The following MVB12B variants were observed in gnomAD, a reference collection of about 807,000 sequenced individuals.
MVB12B encodes the protein ESCRT-I complex subunit MVB12B.
Under a neutral mutation model 41.6 loss-of-function variants are expected in MVB12B, and 16 were observed. The observed-to-expected ratio is 0.38, with a 90% CI of 0.26 to 0.58. MVB12B has a LOEUF of 0.58. MVB12B is among the 20% of genes least tolerant of loss of function. The pLI, the probability that MVB12B is intolerant of heterozygous loss-of-function variation, is 0.62. For synonymous variants in MVB12B, 133 were observed against 139.7 expected, an observed-to-expected ratio of 0.95 and a Z score of 0.34; for missense variants, 274 against 380.2, an observed-to-expected ratio of 0.72 and a Z score of 2.32.
intron 9 of MVB12B, among the ~76,000 whole-genome samples, chr9:126,491,577 CTTT>C (rs1233000337): frequency 1.3e-5 from 2 of 152,108 alleles, no homozygotes; most frequent in Non-Finnish European, 2.9e-5. Context: ...CTTGTTATTT[CTTT>C]ATTTTTCTGT....
At chr9:126,441,407 C>T (rs1047752807) in intron 7 of MVB12B, among the ~76,000 whole-genome samples, 7 of 152,172 alleles carry the variant, frequency 4.6e-5, no homozygotes, top group African/African-American at 9.7e-5. Flanking sequence ...ACTCAGTAAG[C>T]GATACATTCT....
rs1833351451 is a variant in MVB12B at position 126,473,165 on chromosome 9, A to ACACCT, written c.758-8204_758-8203insCACCT. 6.6e-6 allele frequency among the ~76,000 whole-genome samples: 1 copy of ACACCT among 152,140 alleles called. No individual in the cohort carries two copies. Among genetic ancestry groups the ACACCT allele is most frequent in the African/African-American group, 2.4e-5 (1 of 41,424 alleles). The stretch of plus-strand genomic sequence containing the variant: ...AGCCCGCAGAGGCAGCTGTAGTATT[A>ACACCT]TGCCCACCTTACAGACAGGGCAAGT... On this transcript the variant is annotated intron_variant, in intron 7 of 9. Coordinates refer to ENST00000361171, the MANE Select transcript of MVB12B (RefSeq NM_033446.3). This position sits in a 1 kb window ranked among gnomAD's most constrained non-coding sequence, Gnocchi z 4.0.
chr9:126,368,336 G>A (rs975775479), intron 2 of MVB12B, among the ~76,000 whole-genome samples: 1 of 152,150 alleles, frequency 6.6e-6, no homozygotes, highest in Non-Finnish European at 1.5e-5. Context: ...GCTGGCCTGC[G>A]AGGCTGGTAT....
intron 7 of MVB12B, among the ~76,000 whole-genome samples, chr9:126,452,572 CT>C (rs1406054997): frequency 2.0e-5 from 3 of 152,316 alleles, no homozygotes; most frequent in African/African-American, 7.2e-5. Flanking sequence ...CCAAATGTTG[CT>C]GGAAATAACA....
intron 2 of MVB12B, among the ~76,000 whole-genome samples, chr9:126,374,947 A>G (rs1170174232): frequency 6.6e-6 from 1 of 152,244 alleles, no homozygotes; most frequent in Non-Finnish European, 1.5e-5. Flanking sequence ...CAGAGTGCTC[A>G]TAAGAAAATA....
chr9:126,494,531 T>A (rs985457453), intron 9 of MVB12B, among the ~76,000 whole-genome samples: 1 of 152,248 alleles, frequency 6.6e-6, no homozygotes, highest in African/African-American at 2.4e-5. Flanking sequence ...TCTCGCCTTT[T>A]GCATGTCCTT....
In MVB12B at chr9:126,504,333, A is replaced by G. The variant is rs1175491025; in HGVS notation, c.*1070A>G. Reference sequence around the variant, plus strand: ...GTTTGCCTAGGCAGTGGTGGCTGCCATCCCTCGGGGCCCAGGCCCTCACCC... The same window carrying G: ...GTTTGCCTAGGCAGTGGTGGCTGCCGTCCCTCGGGGCCCAGGCCCTCACCC... On this transcript the variant is annotated 3_prime_UTR_variant, in exon 10 of 10. Transcript: ENST00000361171. The G allele has an allele frequency of 6.6e-6, 1 of 152,268 alleles. No homozygotes were observed. The highest frequency in any genetic ancestry group is 2.4e-5 in the African/African-American group (1 of 41,470). 9.4% of individuals were successfully genotyped at this position (152,268 alleles called of 1,614,324 possible).
intron 4 of MVB12B, among the ~76,000 whole-genome samples, chr9:126,387,702 T>C (rs2057020580): frequency 6.6e-6 from 1 of 152,246 alleles, no homozygotes; most frequent in African/African-American, 2.4e-5. Context: ...ACAGCTGATA[T>C]TTAGTATGCA....
rs1055820768 is a variant in MVB12B at position 126,470,218 on chromosome 9, C to T, written c.758-11151C>T. Among the ~76,000 whole-genome samples the T allele has an allele frequency of 3.3e-5, 5 of 152,148 alleles. No homozygotes were observed. The East Asian group carries it at 5.8e-4, about 18-fold the overall frequency. On this transcript the variant is annotated intron_variant, in intron 7 of 9. Transcript: ENST00000361171. ...GGGGCTGTGAGTCCCAACCCAAAGACGTTTGGAGGGACAAAAGCAATGTTT... is the reference window on the plus strand; with the variant it reads ...GGGGCTGTGAGTCCCAACCCAAAGATGTTTGGAGGGACAAAAGCAATGTTT...
chr9:126,439,272 G>A (rs1832573292), intron 7 of MVB12B, among the ~76,000 whole-genome samples: 1 of 151,466 alleles, frequency 6.6e-6, no homozygotes, highest in Non-Finnish European at 1.5e-5. Flanking sequence ...GGTCCGCTGG[G>A]GGTGGGGGCG....
chr9:126,450,800 G>A (rs959246344), intron 7 of MVB12B, among the ~76,000 whole-genome samples: 18 of 152,306 alleles, frequency 1.2e-4, no homozygotes, highest in East Asian at 3.9e-4. Flanking sequence ...CTGGGATTCC[G>A]GCTCAGGCTG....
chr9:126,450,304 C>T (rs1054908273), intron 7 of MVB12B, among the ~76,000 whole-genome samples: 1 of 152,250 alleles, frequency 6.6e-6, no homozygotes, highest in African/African-American at 2.4e-5. Flanking sequence ...GGCTGAGCTT[C>T]CAGATCTGTC....
chr9:126,439,795 G>A (rs1430574996), intron 7 of MVB12B, among the ~76,000 whole-genome samples: 2 of 152,208 alleles, frequency 1.3e-5, no homozygotes, highest in Admixed American at 6.5e-5. Flanking sequence ...TGGTAGTAAT[G>A]CTTTCATCAG....
chr9:126,337,803 C>T (rs1025194854), intron 1 of MVB12B, among the ~76,000 whole-genome samples: 3 of 152,158 alleles, frequency 2.0e-5, no homozygotes, highest in African/African-American at 7.2e-5. Flanking sequence ...GGGTTGTTGC[C>T]AGTAGGCCTC....
chr9:126,437,866 G>A (rs1005336220), intron 7 of MVB12B, among the ~76,000 whole-genome samples: 1 of 152,140 alleles, frequency 6.6e-6, no homozygotes, highest in African/African-American at 2.4e-5. Flanking sequence ...ATGGAGTTTG[G>A]AGTAAAATTA....
At chr9:126,474,626 C>T (rs1719036281) in intron 7 of MVB12B, among the ~76,000 whole-genome samples, 1 of 152,192 alleles carries the variant, frequency 6.6e-6, no homozygotes, top group African/African-American at 2.4e-5. Flanking sequence ...TATGCTGTGA[C>T]CACCATGAAA....
At position 126,349,962 on chromosome 9, in the gene MVB12B, A is replaced by G. The variant is rs548380979; in HGVS notation, c.204+9332A>G. ...TTTTTGGTGTAGCTGTAATGAATAT[A>G]TGAGGATCCAGTTTCTCGACATCTT... is the stretch of plus-strand genomic sequence containing the variant. On this transcript the variant is annotated intron_variant, in intron 2 of 9. Transcript: ENST00000361171. 9.2e-5 allele frequency among the ~76,000 whole-genome samples: 14 copies of G among 152,350 alleles called. No homozygotes were observed. In the East Asian group the frequency reaches 9.6e-4, roughly 10 times the overall value.
intron 6 of MVB12B, among the ~76,000 whole-genome samples, chr9:126,410,172 T>TGTGTGTGC (rs58568577): frequency 1.6e-5 from 2 of 127,564 alleles, no homozygotes; most frequent in African/African-American, 5.6e-5. Context: ...TGTGTGTGTG[T>TGTGTGTGC]GCACGCATGC....
At chr9:126,414,578 C>A (rs538197970) in intron 6 of MVB12B, among the ~76,000 whole-genome samples, 2 of 152,282 alleles carry the variant, frequency 1.3e-5, no homozygotes, top group East Asian at 3.9e-4. Context: ...CTCCAGGGGT[C>A]CAAGACCTAC....
Sources: gnomAD v4.1 joint callset for allele counts (sites outside exome capture counted in the v4.1 genomes callset) on GRCh38, gnomAD v4.1.1 for gene constraint, Gnocchi (gnomAD v3.1) non-coding constraint, MANE v1.5 for transcripts, NCBI Gene and HGNC (gene_info 2026-07-23, HGNC 2026-07-21) for gene names.